The following DNAH10 variants were observed in gnomAD, a reference collection of about 807,000 sequenced individuals.
DNAH10 encodes axonemal beta dynein heavy chain 10.
A neutral mutation model predicts 506.6 loss-of-function variants in DNAH10; 348 were observed. The observed-to-expected ratio is 0.69, with a 90% confidence interval of 0.63 to 0.75. The LOEUF (loss-of-function observed/expected upper bound fraction) is 0.75. Ranked by LOEUF, DNAH10 falls within the 30% of genes least tolerant of loss-of-function variation. DNAH10 has a pLI of 0.00. For synonymous variants in DNAH10, 2,059 were observed against 2,198.6 expected (o/e 0.94, Z 1.78); for missense variants, 5,179 against 5,787.1 (o/e 0.89, Z 3.41).
chr12:123,927,392 T>TA, intron 69 of DNAH10: 1 of 162,010 alleles, frequency 6.2e-6, no homozygotes, highest in South Asian at 1.9e-4. Context: ...ACACAGTCCT[T>TA]ACCTTCCTTA....
chr12:123,773,558 G>A (rs371895960), intron 4 of DNAH10, among the ~76,000 whole-genome samples: 22 of 152,192 alleles, frequency 1.4e-4, no homozygotes, highest in African/African-American at 5.1e-4. Context: ...TGGAGGCTGG[G>A]AAGTCCAAAT....
Position 123,848,732 on chromosome 12 carries a change from C to T in DNAH10, c.5952C>T (p.Ala1984=), listed in dbSNP as rs374094647. Residue 1984 remains alanine (A), a splice_region_variant and synonymous_variant, in exon 34 of 79, where the codon GCC becomes GCT. Transcript: ENST00000673944. The part of the protein sequence containing the change: ...TNCGEGMDYR[A]VGKIFSGLAQ... ...TCCTGACATGTCTTTCTTCCTAGGC[C>T]GTGGGGAAGATTTTCTCTGGCCTGG... The T allele has an allele frequency of 1.9e-4, 308 of 1,613,706 alleles. No individual in the cohort carries two copies. Among genetic ancestry groups the T allele is most frequent in the Middle Eastern group, 9.9e-4 (6 of 6,084 alleles).
chr12:123,877,839 T>G lies in DNAH10; in HGVS notation c.8303T>G (p.Phe2768Cys). 6.2e-7 allele frequency: 1 copy of G among 1,614,042 alleles called. No homozygotes were observed. The highest frequency in any genetic ancestry group is 8.5e-7 in the Non-Finnish European group (1 of 1,179,904). Reference protein sequence around the residue: ...VQDLPPTPSKFHYIFNLRDLS... With the variant: ...VQDLPPTPSKCHYIFNLRDLS... ...GACCTACCTCCCACTCCGTCAAAGT[T>G]CCATTACATCTTCAACCTTCGAGAT... The change falls in exon 48 of 79, where the codon TTC becomes TGC. Residue 2768 changes from phenylalanine (F) to cysteine (C), a missense_variant. By Grantham distance (205) the Phe-to-Cys change is radical (BLOSUM62 -2). Transcript: ENST00000673944.
chr12:123,897,732 A>G (rs768651985), intron 54 of DNAH10, 38 bp from the exon 55 acceptor site: 1 of 1,588,842 alleles, frequency 6.3e-7, no homozygotes, highest in Non-Finnish European at 8.5e-7. Flanking sequence ...GTCGAAAAAG[A>G]AAAAGAAAGA....
At chr12:123,934,414 G>A (rs866149996) in intron 77 of DNAH10, 1 of 698,156 alleles carries the variant, frequency 1.4e-6, no homozygotes, top group Non-Finnish European at 2.5e-6. Context: ...ATGGGGCAGG[G>A]CCACAGGGTC....
rs1399071429 is a variant in DNAH10 at position 123,850,327 on chromosome 12, C to T, written c.6103-561C>T. On this transcript the variant is annotated intron_variant, in intron 34 of 78. Coordinates refer to ENST00000673944, the MANE Select transcript of DNAH10 (RefSeq NM_001372106.1). This position sits in a 1 kb window ranked among gnomAD's most constrained non-coding sequence, Gnocchi z 5.5. The stretch of plus-strand genomic sequence containing the variant: ...CGTGGTTTGTTGGTACCTGGGGCAA[C>T]CAGAGGAATGAAGACTGGTTTCTTG... Among the ~76,000 whole-genome samples, 1 of 151,582 alleles carries T rather than the reference C, an allele frequency of 6.6e-6. No individual in the cohort carries two copies. Among genetic ancestry groups the T allele is most frequent in the Admixed American group, 6.6e-5 (1 of 15,202 alleles).
In DNAH10 at chr12:123,848,744, T is replaced by A; in HGVS notation, c.5964T>A (p.Ile1988=). ...TTTCTTCCTAGGCCGTGGGGAAGATTTTCTCTGGCCTGGCACAGTGCGGGG... is the reference window on the plus strand; with the variant it reads ...TTTCTTCCTAGGCCGTGGGGAAGATATTCTCTGGCCTGGCACAGTGCGGGG... The part of the protein sequence containing the change: ...EGMDYRAVGK[I]FSGLAQCGAW... The change falls in exon 34 of 79, where the codon ATT becomes ATA. Residue 1988 remains isoleucine (I), a synonymous_variant. Coordinates refer to ENST00000673944, the MANE Select transcript of DNAH10 (RefSeq NM_001372106.1). The A allele has an allele frequency of 6.2e-7, 1 of 1,613,974 alleles. No homozygotes were observed. The highest frequency in any genetic ancestry group is 1.6e-4 in the Middle Eastern group (1 of 6,062).
chr12:123,845,621 C>A lies in DNAH10; in HGVS notation c.5382C>A (p.Tyr1794Ter), dbSNP rs762256482. The change falls in exon 31 of 79, where the codon TAC becomes TAA. Residue 1794 changes from tyrosine to a stop codon, truncating the protein, a stop_gained. Transcript: ENST00000673944. LOFTEE classifies it high-confidence loss of function. ...GCAGAGTCGACTGGATGCTCCTGTA[C>A]CAGGGCATGGTGGTGCTGGCCGCTA... ...DRSRVDWMLL[Y>*]QGMVVLAASQ... is the part of the protein sequence containing the mutation. The A allele has an allele frequency of 6.2e-7, 1 of 1,613,212 alleles. No homozygotes were observed. The highest frequency in any genetic ancestry group is 1.7e-5 in the Admixed American group (1 of 60,016).
intron 28 of DNAH10, among the ~76,000 whole-genome samples, chr12:123,837,341 C>CA (rs145957562): frequency 0.15 from 17,241 of 115,272 alleles, 1,636 homozygotes; most frequent in African/African-American, 0.31. Flanking sequence ...GACTCTGTCT[C>CA]AAAAAAAAAA....
At position 123,859,213 on chromosome 12, in the gene DNAH10, C is replaced by T. The variant is rs779872113; in HGVS notation, c.6694C>T (p.Pro2232Ser). Residue 2232 changes from proline to serine, a missense_variant, in exon 38 of 79, where the codon CCC becomes TCC. Transcript: ENST00000673944. ...CCGCCACACGACGATGGTGGTGGGG[C>T]CCACCAGAGGGGGCAAGTCCGTCGT... ...LTRHTTMVVGPTRGGKSVVIN... is the reference protein window; with the variant it reads ...LTRHTTMVVGSTRGGKSVVIN... The T allele has an allele frequency of 1.2e-6, 2 of 1,611,630 alleles. No individual in the cohort carries two copies. Among genetic ancestry groups the T allele is most frequent in the East Asian group, 4.5e-5 (2 of 44,758 alleles).
intron 37 of DNAH10, among the ~76,000 whole-genome samples, chr12:123,858,886 A>G (rs7300414): frequency 0.043 from 6,536 of 152,250 alleles, 192 homozygotes; most frequent in Non-Finnish European, 0.064. Flanking sequence ...GCAAATCCGT[A>G]GAGACAGGAA....
rs1954912171 is a variant in DNAH10, at chr12:123,925,674, T to C, written c.11921+470T>C. On this transcript the variant is annotated intron_variant, in intron 68 of 78. Transcript: ENST00000673944. The surrounding 1 kb of genome is among the most constrained non-coding windows in gnomAD (Gnocchi z 4.0). Reference sequence around the variant, plus strand: ...GCCATCGCACTGGACAATGTAGCTCTAGCATGGGGTACGAAGCCAGGCGGA... The same window carrying C: ...GCCATCGCACTGGACAATGTAGCTCCAGCATGGGGTACGAAGCCAGGCGGA... The C allele has an allele frequency of 6.4e-6, 1 of 156,986 alleles. No homozygotes were observed. Among genetic ancestry groups the C allele is most frequent in the Non-Finnish European group, 1.4e-5 (1 of 71,248 alleles). 9.7% of individuals were successfully genotyped at this position (156,986 alleles called of 1,614,324 possible).
At chr12:123,782,986 T>C (rs1594009170) in intron 6 of DNAH10, 121 bp from the exon 7 acceptor site, 22 of 739,350 alleles carry the variant, frequency 3.0e-5, no homozygotes, top group Admixed American at 2.6e-4. Context: ...GGACAGGGGA[T>C]GCGTCAGACC....
intron 5 of DNAH10, among the ~76,000 whole-genome samples, chr12:123,774,732 A>T (rs1437374922): frequency 1.3e-5 from 2 of 152,240 alleles, no homozygotes; most frequent in African/African-American, 4.8e-5. Flanking sequence ...GCGGTTTTCC[A>T]CCCTGGGCGG....
intron 1 of DNAH10, among the ~76,000 whole-genome samples, chr12:123,766,242 T>C (rs76975008): frequency 4.3e-3 from 660 of 152,162 alleles, no homozygotes; most frequent in Non-Finnish European, 8.0e-3. Context: ...TGTCTATCTC[T>C]GTCTGTCTAG....
Position 123,813,863 on chromosome 12 carries a change from A to T in DNAH10, c.3731A>T (p.Tyr1244Phe). The T allele has an allele frequency of 6.2e-7, 1 of 1,612,628 alleles. No individual in the cohort carries two copies. Among genetic ancestry groups the T allele is most frequent in the Non-Finnish European group, 8.5e-7 (1 of 1,179,648 alleles). The change falls in exon 21 of 79, where the codon TAT (tyrosine) becomes TTT (phenylalanine). Residue 1244 changes from tyrosine (Y) to phenylalanine (F), a missense_variant. This residue lies in a region of DNAH10 where 4,844 missense variants were observed against 5,430.5 expected (regional missense o/e 0.89). Coordinates refer to ENST00000673944, the MANE Select transcript of DNAH10 (RefSeq NM_001372106.1). ...RSKSLVMELR[Y>F]RDVQERYRTM... The stretch of plus-strand genomic sequence containing the variant: ...AAATCTCTAGTCATGGAACTCAGAT[A>T]TAGGGACGTCCAGGAGCGATACCGT...
intron 10 of DNAH10, among the ~76,000 whole-genome samples, chr12:123,789,576 G>T (rs1377357206): frequency 6.6e-6 from 1 of 152,090 alleles, no homozygotes; most frequent in Non-Finnish European, 1.5e-5. Context: ...CAGAGACAGG[G>T]TTTCGCCATG....
chr12:123,806,899 C>A (rs1220977343), intron 18 of DNAH10, among the ~76,000 whole-genome samples: 3 of 151,964 alleles, frequency 2.0e-5, no homozygotes, highest in African/African-American at 7.3e-5. Flanking sequence ...TCCTGAGTAG[C>A]TGGGACTACA....
At chr12:123,800,189 C>T (rs777518597) in intron 14 of DNAH10, 27 bp from the exon 15 acceptor site, 27 of 1,607,896 alleles carry the variant, frequency 1.7e-5, no homozygotes, top group South Asian at 1.1e-4. Context: ...CTGCCCTGGC[C>T]GCGCTGATGG....
Sources: gnomAD v4.1 joint callset for allele counts (sites outside exome capture counted in the v4.1 genomes callset) on GRCh38, gnomAD v4.1.1 for gene constraint, gnomAD v4.1.1 regional missense constraint, Gnocchi (gnomAD v3.1) non-coding constraint, MANE v1.5 for transcripts, NCBI Gene and HGNC (gene_info 2026-07-23, HGNC 2026-07-21) for gene names.